SDHA: variants seen among roughly 807,000 people sequenced by gnomAD.
The protein encoded by SDHA is succinate dehydrogenase complex flavoprotein subunit A.
In SDHA, 48 loss-of-function variants were observed where a neutral mutation model predicts 78.4. That is an observed-to-expected ratio of 0.61 (90% CI 0.49 to 0.78). SDHA has a LOEUF of 0.78. Among genes scored for constraint, SDHA ranks in the 30% least tolerant of loss-of-function variants. The pLI, the probability that SDHA is intolerant of heterozygous loss-of-function variation, is 0.00. For synonymous variants in SDHA, 326 were observed against 353.9 expected, an observed-to-expected ratio of 0.92 and a Z score of 0.88; for missense variants, 680 against 892.7, an observed-to-expected ratio of 0.76 and a Z score of 3.04.
downstream of SDHA, among the ~76,000 whole-genome samples, chr5:257,450 C>T (rs577033871): frequency 8.6e-5 from 13 of 150,572 alleles, 2 homozygotes; most frequent in Admixed American, 2.0e-4. Flanking sequence ...GTGTGAGCTC[C>T]GCCTGCTGCC....
chr5:233,021 A>G (rs1392503289), intron 7 of SDHA, among the ~76,000 whole-genome samples: 1 of 152,278 alleles, frequency 6.6e-6, no homozygotes, highest in Non-Finnish European at 1.5e-5. Context: ...AGAACTGCCC[A>G]TAGCAAGTGC....
the SDHA span, among the ~76,000 whole-genome samples, chr5:263,844 A>G: frequency 1.1e-4 from 15 of 137,778 alleles, no homozygotes; most frequent in African/African-American, 4.4e-4. Flanking sequence ...TGACTCAGCA[A>G]TTCTAGACTG....
At chr5:262,199 TTACCGTGTGAGCTCCGCCTCCCGA>T in the SDHA span, among the ~76,000 whole-genome samples, 3 of 118,822 alleles carry the variant, frequency 2.5e-5, no homozygotes, top group African/African-American at 7.5e-5. Flanking sequence ...CGCCAGAGCA[TTACCGTGTGAGCTCCGCCTCCCGA>T]CAGAGCATTA....
Position 220,414 on chromosome 5 carries a change from G to T in SDHA, c.63+1996G>T, listed in dbSNP as rs72711321. ...CAAATTGATTTCTTTTCTTTGAATG[G>T]ATTGTTCTGAATATGTTTAATGGTG... is the stretch of plus-strand genomic sequence containing the variant. On this transcript the variant is annotated intron_variant, in intron 1 of 14. Coordinates refer to ENST00000264932, the MANE Select transcript of SDHA (RefSeq NM_004168.4). The T allele has an allele frequency of 7.7e-3, 2,645 of 343,218 alleles. 18 individuals carry two copies. Among genetic ancestry groups the T allele is most frequent in the Non-Finnish European group, 0.013 (2,069 of 164,514 alleles). The allele number at this position is 343,218 out of a possible 1,614,324, so 21.3% of individuals were successfully genotyped here.
chr5:232,335 C>G (rs1735458587), intron 7 of SDHA, among the ~76,000 whole-genome samples: 1 of 152,122 alleles, frequency 6.6e-6, no homozygotes. Context: ...CTCAGCCTCC[C>G]AAACAGCTGG....
Position 256,828 on chromosome 5 carries a change from CT to C in SDHA, c.*420del, listed in dbSNP as rs1420375226. The C allele has an allele frequency of 6.3e-3, 1,494 of 235,946 alleles. No homozygotes were observed. The highest frequency in any genetic ancestry group is 0.03 in the East Asian group (421 of 14,236). The allele number at this position is 235,946 out of a possible 1,614,324, so 14.6% of individuals were successfully genotyped here. A position where few individuals can be genotyped will look rare whatever the true frequency, so the allele number is the denominator to read the frequency against. Reference sequence around the variant, plus strand: ...ATAGTTTCTTTTTTCTTTTTCTTTTCTTTTTTTTTTTTGAGACAGGATCGGT... The same window carrying C: ...ATAGTTTCTTTTTTCTTTTTCTTTTCTTTTTTTTTTTGAGACAGGATCGGT... On this transcript the variant is annotated 3_prime_UTR_variant, in exon 15 of 15. Coordinates refer to ENST00000264932, the MANE Select transcript of SDHA (RefSeq NM_004168.4).
In SDHA at chr5:225,874, C is replaced by T. The variant is rs2126549145; in HGVS notation, c.457-9C>T. The T allele has an allele frequency of 1.2e-6, 2 of 1,612,360 alleles. No individual in the cohort carries two copies. Among genetic ancestry groups the T allele is most frequent in the Non-Finnish European group, 8.5e-7 (1 of 1,179,846 alleles). On this transcript the variant is annotated splice_polypyrimidine_tract_variant and intron_variant, in intron 4 of 14. Transcript: ENST00000264932. ...TGTTAAGGTTTTTGTTTGTTTTTATCTTTCACAGCTAGAAAATTATGGCAT... is the reference window on the plus strand; with the variant it reads ...TGTTAAGGTTTTTGTTTGTTTTTATTTTTCACAGCTAGAAAATTATGGCAT...
chr5:262,330 C>T, the SDHA span, among the ~76,000 whole-genome samples: 2 of 113,344 alleles, frequency 1.8e-5, no homozygotes, highest in African/African-American at 6.2e-5. Flanking sequence ...CAGAGCATTA[C>T]CGTGTGAGCT....
In SDHA at chr5:224,375, C is replaced by A. The variant is rs2126542374; in HGVS notation, c.166C>A (p.Pro56Thr). The A allele has an allele frequency of 1.9e-6, 3 of 1,613,436 alleles. No individual in the cohort carries two copies. The highest frequency in any genetic ancestry group is 2.5e-6 in the Non-Finnish European group (3 of 1,179,790). ...KVSDSISAQY[P>T]VVDHEFDAVV... ...TCTTTTCCAGATTTCTGCTCAGTAT[C>A]CAGTAGTGGATCATGAATTTGATGC... Residue 56 changes from proline (P) to threonine (T), a missense_variant, in exon 3 of 15, where the codon CCA becomes ACA. Physicochemically the swap from Pro to Thr is conservative, Grantham distance 38. Coordinates refer to ENST00000264932, the MANE Select transcript of SDHA (RefSeq NM_004168.4).
downstream of SDHA, among the ~76,000 whole-genome samples, chr5:259,804 G>A (rs1470535601): frequency 2.1e-3 from 69 of 33,106 alleles, no homozygotes; most frequent in Non-Finnish European, 3.1e-3. Context: ...GAGCATTACC[G>A]TGTGAGCTCC....
intron 9 of SDHA, chr5:235,905 C>G (rs1311443840): frequency 8.2e-6 from 2 of 244,092 alleles, no homozygotes; most frequent in African/African-American, 2.3e-5. Flanking sequence ...GTCCTCTGAC[C>G]TGCTTGTAAC....
chr5:249,090 C>A (rs2126627364), intron 11 of SDHA: 1 of 437,006 alleles, frequency 2.3e-6, no homozygotes, highest in African/African-American at 2.1e-5. Flanking sequence ...CCCAGCACAC[C>A]TGACCTTAAT....
intron 11 of SDHA, among the ~76,000 whole-genome samples, chr5:245,000 T>C (rs1736360713): frequency 6.6e-6 from 1 of 152,330 alleles, no homozygotes; most frequent in Non-Finnish European, 1.5e-5. Context: ...ATATTATTTT[T>C]GATGGCGGCC....
At chr5:235,541 T>G (rs1168530938) in intron 9 of SDHA, 2 of 629,954 alleles carry the variant, frequency 3.2e-6, no homozygotes, top group Non-Finnish European at 5.7e-6. Flanking sequence ...TAGTAAATTG[T>G]CAGAGATACA....
At chr5:248,648 T>G (rs1736622403) in intron 11 of SDHA, among the ~76,000 whole-genome samples, 1 of 152,212 alleles carries the variant, frequency 6.6e-6, no homozygotes, top group Non-Finnish European at 1.5e-5. Context: ...TAAACAGGAT[T>G]GGACCCAGTC....
In SDHA at chr5:240,460, G is replaced by A. The variant is rs192818312; in HGVS notation, c.1535G>A (p.Arg512Gln). 51 of 1,605,960 alleles carry A rather than the reference G, an allele frequency of 3.2e-5. No individual in the cohort carries two copies. Among genetic ancestry groups the A allele is most frequent in the Admixed American group, 1.0e-4 (6 of 59,982 alleles). Reference sequence around the variant, plus strand: ...GGAAGCATAAGAACATCGGAACTGCGACTCAGCATGCAGAAGGTAAGAGCC... The same window carrying A: ...GGAAGCATAAGAACATCGGAACTGCAACTCAGCATGCAGAAGGTAAGAGCC... ...ADGSIRTSELRLSMQKSMQNH... is the reference protein window; with the variant it reads ...ADGSIRTSELQLSMQKSMQNH... Residue 512 changes from arginine (R) to glutamine (Q), a missense_variant, in exon 11 of 15, where the codon CGA becomes CAA. Physicochemically the swap from Arg to Gln is conservative, Grantham distance 43. Transcript: ENST00000264932.
chr5:264,729 G>A, the SDHA span, among the ~76,000 whole-genome samples: 1 of 152,186 alleles, frequency 6.6e-6, no homozygotes, highest in African/African-American at 2.4e-5. Flanking sequence ...TGTCATCAGA[G>A]CATCGCCAGA....
intron 9 of SDHA, 80 bp downstream of exon 9, chr5:235,419 C>T: frequency 1.5e-6 from 2 of 1,347,598 alleles, no homozygotes; most frequent in Non-Finnish European, 1.1e-6. Flanking sequence ...CTCTTTAGAT[C>T]TTACAGGAAA....
chr5:230,699 C>T (rs1205438569), intron 6 of SDHA, among the ~76,000 whole-genome samples, 177 bp from the exon 7 acceptor site: 1 of 152,178 alleles, frequency 6.6e-6, no homozygotes, highest in East Asian at 1.9e-4. Flanking sequence ...TGCAGGGTAG[C>T]AGCACCAGTG....
Sources: gnomAD v4.1 joint callset for allele counts (sites outside exome capture counted in the v4.1 genomes callset) on GRCh38, gnomAD v4.1.1 for gene constraint, MANE v1.5 for transcripts, NCBI Gene and HGNC (gene_info 2026-07-23, HGNC 2026-07-21) for gene names.